Variants in INPP4B observed in about 807,000 individuals in gnomAD.
INPP4B encodes inositol polyphosphate-4-phosphatase type II B.
In INPP4B, 55 loss-of-function variants were observed where a neutral mutation model predicts 122.5. The ratio of observed to expected loss-of-function variants is 0.45; its 90% CI spans 0.36 to 0.56. The LOEUF is 0.56. Among genes scored for constraint, INPP4B ranks in the 20% least tolerant of loss-of-function variants. The pLI is 0.00. For synonymous variants in INPP4B, 403 were observed against 388.7 expected, an observed-to-expected ratio of 1.04 and a Z score of -0.43; for missense variants, 1,000 against 1,097.7, an observed-to-expected ratio of 0.91 and a Z score of 1.26.
chr4:142,690,961 A>T (rs1002611487), intron 2 of INPP4B, among the ~76,000 whole-genome samples: 3 of 152,092 alleles, frequency 2.0e-5, no homozygotes, highest in African/African-American at 4.8e-5. Flanking sequence ...TCTTTTTCAC[A>T]CTGCTATTTC....
rs183773609 is a variant in INPP4B, at chr4:142,097,564, C to T, written c.2374+10529G>A. ...GAGCCACCATGCCTGGCCTGATTTG[C>T]ATATTGTCTATGGCTTATTTTGCCC... On this transcript the variant is annotated intron_variant, in intron 23 of 25. Coordinates refer to ENST00000262992, the MANE Select transcript of INPP4B (RefSeq NM_001101669.3). 4.7e-4 allele frequency among the ~76,000 whole-genome samples: 71 copies of T among 152,084 alleles called. 1 individual carries two copies. Among genetic ancestry groups the T allele is most frequent in the Admixed American group, 3.9e-3 (59 of 15,240 alleles).
chr4:142,282,226 C>T (rs1376606644), intron 9 of INPP4B, among the ~76,000 whole-genome samples: 2 of 152,060 alleles, frequency 1.3e-5, no homozygotes, highest in Non-Finnish European at 2.9e-5. Context: ...GTCATACATC[C>T]TTCTTGGGGC....
At chr4:142,558,655 TG>T (rs56763042) in intron 2 of INPP4B, among the ~76,000 whole-genome samples, 55,311 of 150,596 alleles carry the variant, frequency 0.37, 11,168 homozygotes, top group East Asian at 0.81. Flanking sequence ...CAGTGGGTGT[TG>T]GGGGGGCAGT....
rs1004304750 is a variant in INPP4B at position 142,025,184 on chromosome 4, C to T, written c.*3598G>A. 4.1e-5 allele frequency: 1 copy of T among 24,338 alleles called. No homozygotes were observed. The highest frequency in any genetic ancestry group is 1.5e-4 in the African/African-American group (1 of 6,472). The allele number at this position is 24,338 out of a possible 1,614,324, so 1.5% of individuals were successfully genotyped here. A position where few individuals can be genotyped will look rare whatever the true frequency, so the allele number is the denominator to read the frequency against. On this transcript the variant is annotated 3_prime_UTR_variant, in exon 26 of 26. Transcript: ENST00000262992. Reference sequence around the variant, plus strand: ...GTTTGTAGCATTTGCCAGCCAGTTTCTATGGTGTTAAATACTCCCACTGTG... The same window carrying T: ...GTTTGTAGCATTTGCCAGCCAGTTTTTATGGTGTTAAATACTCCCACTGTG...
intron 2 of INPP4B, among the ~76,000 whole-genome samples, chr4:142,671,709 T>C (rs1172652346): frequency 6.6e-6 from 1 of 152,150 alleles, no homozygotes; most frequent in Admixed American, 6.6e-5. Context: ...TCCAAGATAG[T>C]AACACTTCCA....
intron 2 of INPP4B, among the ~76,000 whole-genome samples, chr4:142,464,062 G>A (rs1165056853): frequency 6.6e-6 from 1 of 152,158 alleles, no homozygotes; most frequent in East Asian, 1.9e-4. Context: ...GACAGGTGAA[G>A]TAATTCAGGC....
chr4:142,336,225 G>A (rs1191237807), intron 7 of INPP4B, among the ~76,000 whole-genome samples: 3 of 152,208 alleles, frequency 2.0e-5, no homozygotes, highest in African/African-American at 4.8e-5. Context: ...TCTTGGATAT[G>A]AGACAAGAGC....
rs201871438 is a variant in INPP4B at position 142,314,866 on chromosome 4, C to G, written c.373-104G>C. On this transcript the variant is annotated intron_variant, in intron 7 of 25. Coordinates refer to ENST00000262992, the MANE Select transcript of INPP4B (RefSeq NM_001101669.3). ...TTCCTTCATCTCGCGTCAATTCAGA[C>G]TCTGTGGTTAATCATTAATGAATTC... 39 of 878,684 alleles carry G rather than the reference C, an allele frequency of 4.4e-5. No individual in the cohort carries two copies. In the East Asian group the frequency reaches 1.0e-3, roughly 23 times the overall value. The allele number at this position is 878,684 out of a possible 1,614,324, so 54.4% of individuals were successfully genotyped here.
At chr4:142,230,643 CAAAAAA>C (rs11309327) in intron 12 of INPP4B, among the ~76,000 whole-genome samples, 2 of 79,588 alleles carry the variant, frequency 2.5e-5, no homozygotes, top group African/African-American at 4.6e-5. Context: ...AACTCCACCT[CAAAAAA>C]AAAAAAAAAA....
At chr4:142,229,287 A>G (rs1057043915) in intron 12 of INPP4B, among the ~76,000 whole-genome samples, 5 of 152,178 alleles carry the variant, frequency 3.3e-5, no homozygotes, top group African/African-American at 1.2e-4. Context: ...GGATGTCAGA[A>G]TATACATGAT....
intron 2 of INPP4B, among the ~76,000 whole-genome samples, chr4:142,636,330 A>G (rs1749153783): frequency 6.6e-6 from 1 of 152,172 alleles, no homozygotes. Context: ...AAATGCAACA[A>G]AAGTCAAATA....
intron 1 of INPP4B, among the ~76,000 whole-genome samples, chr4:142,843,985 C>A (rs1405634366): frequency 2.0e-5 from 3 of 152,066 alleles, no homozygotes; most frequent in Non-Finnish European, 2.9e-5. Flanking sequence ...TTCCATTTCA[C>A]ACAACTAAAA....
intron 25 of INPP4B, among the ~76,000 whole-genome samples, chr4:142,054,494 C>T (rs1756491397): frequency 6.6e-6 from 1 of 151,946 alleles, no homozygotes; most frequent in African/African-American, 2.4e-5. Flanking sequence ...GAATGATTGC[C>T]ATTGGAGCTG....
At chr4:142,586,771 AT>A (rs1736301425) in intron 2 of INPP4B, among the ~76,000 whole-genome samples, 1 of 152,214 alleles carries the variant, frequency 6.6e-6, no homozygotes, top group Admixed American at 6.5e-5. Flanking sequence ...GAGAGAATTA[AT>A]GAAAGGGGAA....
chr4:142,621,778 G>C (rs181832459), intron 2 of INPP4B, among the ~76,000 whole-genome samples: 3,798 of 150,944 alleles, frequency 0.025, 51 homozygotes, highest in Middle Eastern at 0.084. Flanking sequence ...AAAATATTAT[G>C]TATAAAAATA....
intron 2 of INPP4B, among the ~76,000 whole-genome samples, chr4:142,473,061 T>G (rs1192637944): frequency 6.6e-6 from 1 of 152,200 alleles, no homozygotes; most frequent in East Asian, 1.9e-4. Flanking sequence ...CAACATTTGA[T>G]GACTTGATTT....
intron 2 of INPP4B, among the ~76,000 whole-genome samples, chr4:142,664,986 A>T (rs1755773346): frequency 6.6e-6 from 1 of 152,210 alleles, no homozygotes; most frequent in Non-Finnish European, 1.5e-5. Context: ...AAATCTATAT[A>T]GCATATAACT....
intron 11 of INPP4B, among the ~76,000 whole-genome samples, chr4:142,244,456 T>C (rs34074198): frequency 0.15 from 23,469 of 151,504 alleles, 1,947 homozygotes; most frequent in South Asian, 0.27. Context: ...CCCACCATCA[T>C]GCCCGGCTAA....
chr4:142,119,645 G>T (rs530059631), intron 21 of INPP4B, among the ~76,000 whole-genome samples: 1 of 150,718 alleles, frequency 6.6e-6, no homozygotes, highest in Non-Finnish European at 1.5e-5. Context: ...GGAGTCTGTC[G>T]TGGGGTGGGG....
Sources: gnomAD v4.1 joint callset for allele counts (sites outside exome capture counted in the v4.1 genomes callset) on GRCh38, gnomAD v4.1.1 for gene constraint, MANE v1.5 for transcripts, NCBI Gene and HGNC (gene_info 2026-07-23, HGNC 2026-07-21) for gene names.